ROBO1: variants seen among roughly 807,000 people sequenced by gnomAD.
The protein encoded by ROBO1 is roundabout homolog 1.
In ROBO1, 149 loss-of-function variants were observed where a neutral mutation model predicts 195.9. That is an observed-to-expected ratio of 0.76 (90% confidence interval 0.67 to 0.87). The LOEUF (loss-of-function observed/expected upper bound fraction) is 0.87, where lower values mean the gene tolerates loss of function less well. Ranked by LOEUF, ROBO1 falls within the 40% of genes least tolerant of loss-of-function variation. ROBO1 has a pLI of 0.00. For missense variants in ROBO1, 1,933 were observed against 2,068.3 expected (o/e 0.93, Z 1.27); for synonymous variants, 816 against 733.2 (o/e 1.11, Z -1.82).
At chr3:79,511,558 G>A (rs1190521185) in intron 2 of ROBO1, among the ~76,000 whole-genome samples, 1 of 152,042 alleles carries the variant, frequency 6.6e-6, no homozygotes, top group African/African-American at 2.4e-5. Flanking sequence ...TGGCCATAGA[G>A]CTTAAATATA....
At chr3:78,837,929 G>A (rs972376410) in intron 4 of ROBO1, among the ~76,000 whole-genome samples, 10 of 152,078 alleles carry the variant, frequency 6.6e-5, no homozygotes, top group Admixed American at 2.0e-4. Flanking sequence ...GGCAAATATC[G>A]TCAACCTACT....
intron 1 of ROBO1, among the ~76,000 whole-genome samples, chr3:79,619,478 G>T (rs1490300730): frequency 2.6e-5 from 4 of 152,082 alleles, no homozygotes; most frequent in Admixed American, 2.6e-4. Flanking sequence ...TAAATGGCCA[G>T]AAAATGGCAC....
At chr3:78,921,036 T>C (rs974227336) in intron 4 of ROBO1, among the ~76,000 whole-genome samples, 1 of 152,138 alleles carries the variant, frequency 6.6e-6, no homozygotes, top group African/African-American at 2.4e-5. Context: ...AAAGTAAGAA[T>C]ATTAGTAATA....
intron 2 of ROBO1, among the ~76,000 whole-genome samples, chr3:79,365,361 G>A (rs1457628498): frequency 6.6e-6 from 1 of 152,126 alleles, no homozygotes; most frequent in Non-Finnish European, 1.5e-5. Context: ...ATGTCAGCAA[G>A]CTTAACTTGG....
At chr3:78,748,350 C>A (rs1325157782) in intron 4 of ROBO1, among the ~76,000 whole-genome samples, 1 of 151,990 alleles carries the variant, frequency 6.6e-6, no homozygotes, top group Non-Finnish European at 1.5e-5. Context: ...GAGGCTGAGG[C>A]AGGAGAATTG....
intron 3 of ROBO1, among the ~76,000 whole-genome samples, chr3:78,944,859 G>A (rs921764612): frequency 4.6e-5 from 7 of 152,198 alleles, no homozygotes; most frequent in African/African-American, 1.7e-4. Flanking sequence ...CACACCAGGA[G>A]ATTATATCCC....
At chr3:79,333,466 G>A (rs373738864) in intron 2 of ROBO1, among the ~76,000 whole-genome samples, 3 of 151,690 alleles carry the variant, frequency 2.0e-5, no homozygotes, top group African/African-American at 2.4e-5. Context: ...TCAAGCATGC[G>A]TAACCATGTA....
chr3:79,204,100 G>C (rs996947600), intron 2 of ROBO1, among the ~76,000 whole-genome samples: 4 of 152,044 alleles, frequency 2.6e-5, no homozygotes, highest in African/African-American at 4.8e-5. Context: ...ATGTACGATA[G>C]TTGTACATAT....
chr3:78,878,583 CAAAAAAAAA>C (rs35108863), intron 4 of ROBO1, among the ~76,000 whole-genome samples: 1 of 46,360 alleles, frequency 2.2e-5, no homozygotes, highest in East Asian at 8.1e-4. Context: ...AACCCCATCT[CAAAAAAAAA>C]AAAAAAAAAA....
At chr3:79,382,201 G>C (rs2036598462) in intron 2 of ROBO1, among the ~76,000 whole-genome samples, 1 of 152,130 alleles carries the variant, frequency 6.6e-6, no homozygotes, top group African/African-American at 2.4e-5. Context: ...ACACTGGAAA[G>C]TTAGCAATGA....
At chr3:78,971,445 AAAG>A (rs2076764260) in intron 3 of ROBO1, among the ~76,000 whole-genome samples, 1 of 152,170 alleles carries the variant, frequency 6.6e-6, no homozygotes, top group African/African-American at 2.4e-5. Context: ...TGGTAGGTCT[AAAG>A]TGTGGCTCCA....
chr3:78,887,783 C>T (rs1211611604), intron 4 of ROBO1, among the ~76,000 whole-genome samples: 1 of 152,094 alleles, frequency 6.6e-6, no homozygotes, highest in Non-Finnish European at 1.5e-5. Context: ...TGCTTGAGAT[C>T]TGAATAAAAT....
chr3:79,670,523 C>T (rs1003372780), intron 1 of ROBO1, among the ~76,000 whole-genome samples: 1 of 151,822 alleles, frequency 6.6e-6, no homozygotes, highest in African/African-American at 2.4e-5. Context: ...CTTTAACACA[C>T]TAATCAGGTT....
At chr3:79,608,095 T>C (rs1944546380) in intron 1 of ROBO1, among the ~76,000 whole-genome samples, 1 of 152,040 alleles carries the variant, frequency 6.6e-6, no homozygotes, top group Non-Finnish European at 1.5e-5. Context: ...TTGTCAAGTA[T>C]AGACAGTCCT....
At chr3:78,711,082 C>T (rs1180119113) in intron 8 of ROBO1, among the ~76,000 whole-genome samples, 1 of 152,110 alleles carries the variant, frequency 6.6e-6, no homozygotes, top group Non-Finnish European at 1.5e-5. Context: ...TACAACATGA[C>T]GTTATGAGAT....
intron 2 of ROBO1, among the ~76,000 whole-genome samples, chr3:79,428,086 A>G (rs1368352913): frequency 6.6e-6 from 1 of 152,166 alleles, no homozygotes; most frequent in African/African-American, 2.4e-5. Flanking sequence ...ATTTATAAGG[A>G]GCTCAAACAA....
intron 2 of ROBO1, among the ~76,000 whole-genome samples, chr3:79,176,959 G>GT (rs1405906754): frequency 6.6e-6 from 1 of 152,080 alleles, no homozygotes; most frequent in Non-Finnish European, 1.5e-5. Context: ...ATAATACATA[G>GT]TAAGTGTCTC....
intron 1 of ROBO1, among the ~76,000 whole-genome samples, chr3:79,673,758 T>C (rs983938644): frequency 3.9e-5 from 6 of 152,036 alleles, no homozygotes; most frequent in Non-Finnish European, 8.8e-5. Flanking sequence ...TAACATATCC[T>C]CATTTCTCAT....
intron 2 of ROBO1, among the ~76,000 whole-genome samples, chr3:79,445,699 T>C (rs1423960782): frequency 1.3e-5 from 2 of 149,618 alleles, no homozygotes; most frequent in Admixed American, 6.7e-5. Context: ...TCTCGCTCTG[T>C]CGCCCAGGCT....
Sources: gnomAD v4.1 joint callset for allele counts (sites outside exome capture counted in the v4.1 genomes callset) on GRCh38, gnomAD v4.1.1 for gene constraint, MANE v1.5 for transcripts, NCBI Gene and HGNC (gene_info 2026-07-23, HGNC 2026-07-21) for gene names.